TRIR: variants seen among roughly 807,000 people sequenced by gnomAD.
TRIR encodes telomerase RNA component-interacting RNase.
A neutral mutation model predicts 18.2 loss-of-function variants in TRIR; 5 were observed. The ratio of observed to expected loss-of-function variants is 0.27; its 90% CI spans 0.14 to 0.58. TRIR has a LOEUF of 0.58. Ranked by LOEUF, TRIR falls within the 20% of genes least tolerant of loss-of-function variation. The pLI, the probability that TRIR is intolerant of heterozygous loss-of-function variation, is 0.91. For missense variants in TRIR, 206 were observed against 252.8 expected, an observed-to-expected ratio of 0.81 and a Z score of 1.25; for synonymous variants, 134 against 114.4, an observed-to-expected ratio of 1.17 and a Z score of -1.10.
At chr19:12,732,889 C>T (rs1189609296) in intron 1 of TRIR, among the ~76,000 whole-genome samples, 1 of 152,018 alleles carries the variant, frequency 6.6e-6, no homozygotes, top group Non-Finnish European at 1.5e-5. Context: ...AGAGCCTGGC[C>T]TGCTGGGATT....
intron 1 of TRIR, among the ~76,000 whole-genome samples, chr19:12,732,124 CAAAAA>C (rs34115155): frequency 1.3e-5 from 1 of 79,818 alleles, no homozygotes; most frequent in African/African-American, 4.9e-5. Context: ...GACTCTGTCT[CAAAAA>C]AAAAAAAAAA....
In TRIR at chr19:12,731,584, C is replaced by T. The variant is rs10420261; in HGVS notation, c.346-163G>A. On this transcript the variant is annotated intron_variant, in intron 1 of 2. Coordinates refer to ENST00000242784, the MANE Select transcript of TRIR (RefSeq NM_024038.4). The surrounding 1 kb of genome is among the most constrained non-coding windows in gnomAD (Gnocchi z 5.1). ...TGCGCAGCAATCAGAGAGGAGCACA[C>T]GCGACTCAGCGCCTGCCCTGGGCCC... 5.9e-3 allele frequency: 4,068 copies of T among 688,784 alleles called. 107 individuals are homozygous for T. In the African/African-American group the frequency reaches 0.065, roughly 11 times the overall value. 42.7% of individuals were successfully genotyped at this position (688,784 alleles called of 1,614,324 possible).
Position 12,731,998 on chromosome 19 carries a change from C to A in TRIR, c.346-577G>T, listed in dbSNP as rs1967437996. On this transcript the variant is annotated intron_variant, in intron 1 of 2. Coordinates refer to ENST00000242784, the MANE Select transcript of TRIR (RefSeq NM_024038.4). The surrounding 1 kb of genome is among the most constrained non-coding windows in gnomAD (Gnocchi z 5.1). Reference sequence around the variant, plus strand: ...ACTTAGCCGGGAGTGGTGGTAGGCGCCTGTAATCCCAGCTACTTGGGAGGC... The same window carrying A: ...ACTTAGCCGGGAGTGGTGGTAGGCGACTGTAATCCCAGCTACTTGGGAGGC... The A allele has an allele frequency of 6.6e-6, 1 of 152,620 alleles. No homozygotes were observed. 9.5% of individuals were successfully genotyped at this position (152,620 alleles called of 1,614,324 possible).
At chr19:12,732,436 G>A (rs1156517453) in intron 1 of TRIR, among the ~76,000 whole-genome samples, 3 of 152,132 alleles carry the variant, frequency 2.0e-5, no homozygotes, top group African/African-American at 4.8e-5. Flanking sequence ...TGGTCCTGAC[G>A]CTTTTCCTTC....
chr19:12,734,616 C>T lies in TRIR; in HGVS notation c.42G>A (p.Glu14=). The T allele has an allele frequency of 2.0e-6, 3 of 1,515,896 alleles. No homozygotes were observed. Among genetic ancestry groups the T allele is most frequent in the African/African-American group, 2.9e-5 (2 of 69,688 alleles). The allele number at this position is 1,515,896 out of a possible 1,614,324, so 93.9% of individuals were successfully genotyped here. A position where few individuals can be genotyped will look rare whatever the true frequency, so the allele number is the denominator to read the frequency against. ...RGRRAEPQGR[E]APGPAGGGGG... ...CGCCACCGCCCGCGGGGCCCGGAGC[C>T]TCCCGGCCCTGAGGCTCCGCCCGTC... The change falls in exon 1 of 3, where the codon GAG becomes GAA. Residue 14 remains glutamate (E), a synonymous_variant. Transcript: ENST00000242784. This position sits in a 1 kb window ranked among gnomAD's most constrained non-coding sequence, Gnocchi z 4.1.
rs777438434 is a variant in TRIR, at chr19:12,731,381, G to A, written c.386C>T (p.Thr129Met). 4 of 1,613,930 alleles carry A rather than the reference G, an allele frequency of 2.5e-6. No individual in the cohort carries two copies. Among genetic ancestry groups the A allele is most frequent in the Admixed American group, 1.7e-5 (1 of 60,020 alleles). Residue 129 changes from threonine (T) to methionine (M), a missense_variant, in exon 2 of 3, where the codon ACG becomes ATG. Around this residue, in one of 2 missense-constraint regions of TRIR, gnomAD observed 34 missense variants for 87.8 expected, o/e 0.39. Coordinates refer to ENST00000242784, the MANE Select transcript of TRIR (RefSeq NM_024038.4). This position sits in a 1 kb window ranked among gnomAD's most constrained non-coding sequence, Gnocchi z 5.1. ...CTTCTGCTTCTTGGCTACTATTCCC[G>A]TCTTGAGGGCTAGTTTGTTCCCGCC... The part of the protein sequence containing the change: ...RRGGNKLALK[T>M]GIVAKKQKTE...
rs1967489528 is a variant in TRIR, at chr19:12,734,272, G to A, written c.345+41C>T. The A allele has an allele frequency of 7.3e-6, 10 of 1,379,214 alleles. No homozygotes were observed. Among genetic ancestry groups the A allele is most frequent in the Non-Finnish European group, 9.4e-6 (10 of 1,067,886 alleles). 85.4% of individuals were successfully genotyped at this position (1,379,214 alleles called of 1,614,324 possible). The stretch of plus-strand genomic sequence containing the variant: ...CACGGGCCCCGACTCCCGCTGCCAA[G>A]ACAGGCCGTGGCGCCCGCCCCCACC... On this transcript the variant is annotated intron_variant, in intron 1 of 2. Coordinates refer to ENST00000242784, the MANE Select transcript of TRIR (RefSeq NM_024038.4). This position sits in a 1 kb window ranked among gnomAD's most constrained non-coding sequence, Gnocchi z 4.1.
In TRIR at chr19:12,731,657, C is replaced by T. The variant is rs1445034255; in HGVS notation, c.346-236G>A. ...GAAGAGTGTCCACCTCAGTAGGGAC[C>T]AGCTCTGTTCTCACTTTCCACGCCA... is the stretch of plus-strand genomic sequence containing the variant. On this transcript the variant is annotated intron_variant, in intron 1 of 2. Coordinates refer to ENST00000242784, the MANE Select transcript of TRIR (RefSeq NM_024038.4). This position sits in a 1 kb window ranked among gnomAD's most constrained non-coding sequence, Gnocchi z 5.1. 2 of 551,110 alleles carry T rather than the reference C, an allele frequency of 3.6e-6. No homozygotes were observed. Among genetic ancestry groups the T allele is most frequent in the Non-Finnish European group, 6.4e-6 (2 of 311,388 alleles). The allele number at this position is 551,110 out of a possible 1,614,324, so 34.1% of individuals were successfully genotyped here. A position where few individuals can be genotyped will look rare whatever the true frequency, so the allele number is the denominator to read the frequency against.
rs544721720 is a variant in TRIR at position 12,731,303 on chromosome 19, A to T, written c.423+41T>A. ...AGGCTGGGCGCAAAAGCTGGAAGGG[A>T]AAGGCAATGTGGGTGGACCCCCTGC... On this transcript the variant is annotated intron_variant, in intron 2 of 2. Transcript: ENST00000242784. The surrounding 1 kb of genome is among the most constrained non-coding windows in gnomAD (Gnocchi z 5.1). The T allele has an allele frequency of 6.2e-7, 1 of 1,604,050 alleles. No individual in the cohort carries two copies. Among genetic ancestry groups the T allele is most frequent in the African/African-American group, 1.3e-5 (1 of 74,864 alleles).
chr19:12,731,460 C>A lies in TRIR; in HGVS notation c.346-39G>T. The A allele has an allele frequency of 6.3e-7, 1 of 1,586,728 alleles. No homozygotes were observed. The highest frequency in any genetic ancestry group is 8.6e-7 in the Non-Finnish European group (1 of 1,163,946). On this transcript the variant is annotated intron_variant, in intron 1 of 2. Coordinates refer to ENST00000242784, the MANE Select transcript of TRIR (RefSeq NM_024038.4). The surrounding 1 kb of genome is among the most constrained non-coding windows in gnomAD (Gnocchi z 5.1). ...CAGAAGACTGCAACGGTTACAGGAGCCGGGACCGCCCTTGGCGGCGCTGAG... is the reference window on the plus strand; with the variant it reads ...CAGAAGACTGCAACGGTTACAGGAGACGGGACCGCCCTTGGCGGCGCTGAG...
At chr19:12,733,340 G>C (rs571333301) in intron 1 of TRIR, among the ~76,000 whole-genome samples, 1 of 152,126 alleles carries the variant, frequency 6.6e-6, no homozygotes, top group Admixed American at 6.5e-5. Flanking sequence ...CACACTACAG[G>C]GACTTGATCT....
In TRIR at chr19:12,734,406, C is replaced by T. The variant is rs1366551960; in HGVS notation, c.252G>A (p.Pro84=). The T allele has an allele frequency of 6.6e-7, 1 of 1,516,708 alleles. No individual in the cohort carries two copies. Among genetic ancestry groups the T allele is most frequent in the Non-Finnish European group, 8.8e-7 (1 of 1,133,492 alleles). 94.0% of individuals were successfully genotyped at this position (1,516,708 alleles called of 1,614,324 possible). A position where few individuals can be genotyped will look rare whatever the true frequency, so the allele number is the denominator to read the frequency against. The part of the protein sequence containing the change: ...EEEQRQRQEE[P]PPGPQRPDQS... ...GGTCGGGTCGCTGCGGACCCGGGGG[C>T]GGCTCCTCCTGCCGCTGCCGCTGCT... Residue 84 remains proline, a synonymous_variant, in exon 1 of 3, where the codon CCG becomes CCA. Transcript: ENST00000242784. This position sits in a 1 kb window ranked among gnomAD's most constrained non-coding sequence, Gnocchi z 4.1.
Position 12,731,201 on chromosome 19 carries a change from T to A in TRIR, c.424-133A>T. 1.3e-5 allele frequency: 17 copies of A among 1,264,174 alleles called. No homozygotes were observed. The highest frequency in any genetic ancestry group is 9.2e-6 in the Non-Finnish European group (8 of 869,412). The allele number at this position is 1,264,174 out of a possible 1,614,324, so 78.3% of individuals were successfully genotyped here. ...AGCTGAAGATTATAAAGTCAAGTTATCTGGGGACCCATTGACAGCCCTCCT... is the reference window on the plus strand; with the variant it reads ...AGCTGAAGATTATAAAGTCAAGTTAACTGGGGACCCATTGACAGCCCTCCT... On this transcript the variant is annotated intron_variant, in intron 2 of 2. Transcript: ENST00000242784. The surrounding 1 kb of genome is among the most constrained non-coding windows in gnomAD (Gnocchi z 5.1).
rs1306258758 is a variant in TRIR, at chr19:12,731,046, G to C, written c.446C>G (p.Ala149Gly). ...CACTTCTGCCATGTACTTGGCCCAC[G>C]CGTCACCTTTACTTGTTAATACCTG... Reference protein sequence around the residue: ...EDEVLTSKGDAWAKYMAEVKK... With the variant: ...EDEVLTSKGDGWAKYMAEVKK... The change falls in exon 3 of 3, where the codon GCG becomes GGG. Residue 149 changes from alanine (A) to glycine (G), a missense_variant. Coordinates refer to ENST00000242784, the MANE Select transcript of TRIR (RefSeq NM_024038.4). This position sits in a 1 kb window ranked among gnomAD's most constrained non-coding sequence, Gnocchi z 5.1. 1 of 1,614,008 alleles carries C rather than the reference G, an allele frequency of 6.2e-7. No individual in the cohort carries two copies. The highest frequency in any genetic ancestry group is 8.5e-7 in the Non-Finnish European group (1 of 1,179,962).
At position 12,734,587 on chromosome 19, in the gene TRIR, C is replaced by T. The variant is rs1967501494; in HGVS notation, c.71G>A (p.Gly24Asp). 2.0e-6 allele frequency: 3 copies of T among 1,521,300 alleles called. No homozygotes were observed. The highest frequency in any genetic ancestry group is 1.7e-4 in the Middle Eastern group (1 of 5,896). 94.2% of individuals were successfully genotyped at this position (1,521,300 alleles called of 1,614,324 possible). A position where few individuals can be genotyped will look rare whatever the true frequency, so the allele number is the denominator to read the frequency against. The stretch of plus-strand genomic sequence containing the variant: ...TCCCGACTCAGCCCAACGGCTCCCG[C>T]CACCGCCACCGCCCGCGGGGCCCGG... The part of the protein sequence containing the change: ...EAPGPAGGGG[G>D]GSRWAESGSG... Residue 24 changes from glycine (G) to aspartate (D), a missense_variant, in exon 1 of 3, where the codon GGC becomes GAC. Physicochemically the swap from Gly to Asp is moderately conservative, Grantham distance 94. Coordinates refer to ENST00000242784, the MANE Select transcript of TRIR (RefSeq NM_024038.4). This position sits in a 1 kb window ranked among gnomAD's most constrained non-coding sequence, Gnocchi z 4.1.
In TRIR at chr19:12,734,572, G is replaced by T; in HGVS notation, c.86C>A (p.Ala29Asp). The T allele has an allele frequency of 6.6e-7, 1 of 1,526,244 alleles. No individual in the cohort carries two copies. The allele number at this position is 1,526,244 out of a possible 1,614,324, so 94.5% of individuals were successfully genotyped here. The change falls in exon 1 of 3, where the codon GCT (alanine) becomes GAT (aspartate). Residue 29 changes from alanine (A) to aspartate (D), a missense_variant. Physicochemically the swap from Ala to Asp is moderately radical, Grantham distance 126. This residue lies in a region of TRIR where 172 missense variants were observed against 165.0 expected (regional missense o/e 1.04). Transcript: ENST00000242784. The surrounding 1 kb of genome is among the most constrained non-coding windows in gnomAD (Gnocchi z 4.1). ...GGGCGACGTCCCCGATCCCGACTCA[G>T]CCCAACGGCTCCCGCCACCGCCACC... The part of the protein sequence containing the change: ...AGGGGGGSRW[A>D]ESGSGTSPES...
rs1967410648 is a variant in TRIR, at chr19:12,730,737, G to A, written c.*224C>T. On this transcript the variant is annotated 3_prime_UTR_variant, in exon 3 of 3. Transcript: ENST00000242784. ...GACAGAAAGAGCCAGAGAGAATGAG[G>A]AGGTGAGAAGGGGGGGACAGTAAAC... 1 of 586,762 alleles carries A rather than the reference G, an allele frequency of 1.7e-6. No homozygotes were observed. The highest frequency in any genetic ancestry group is 3.0e-6 in the Non-Finnish European group (1 of 328,842). The allele number at this position is 586,762 out of a possible 1,614,324, so 36.3% of individuals were successfully genotyped here. A position where few individuals can be genotyped will look rare whatever the true frequency, so the allele number is the denominator to read the frequency against.
At position 12,730,773 on chromosome 19, in the gene TRIR, T is replaced by TGA. The variant is rs1446041332; in HGVS notation, c.*186_*187dup. 1.6e-6 allele frequency: 1 copy of TGA among 613,102 alleles called. No individual in the cohort carries two copies. Among genetic ancestry groups the TGA allele is most frequent in the Non-Finnish European group, 2.9e-6 (1 of 344,298 alleles). 38.0% of individuals were successfully genotyped at this position (613,102 alleles called of 1,614,324 possible). A position where few individuals can be genotyped will look rare whatever the true frequency, so the allele number is the denominator to read the frequency against. On this transcript the variant is annotated 3_prime_UTR_variant, in exon 3 of 3. Coordinates refer to ENST00000242784, the MANE Select transcript of TRIR (RefSeq NM_024038.4). Reference sequence around the variant, plus strand: ...GGGGGGACAGTAAACCACTGTTCTATGAAGTCTCACGAGGCAAGTGCTCAA... The same window carrying TGA: ...GGGGGGACAGTAAACCACTGTTCTATGAGAAGTCTCACGAGGCAAGTGCTCAA...
At chr19:12,732,210 C>T (rs1339738803) in intron 1 of TRIR, among the ~76,000 whole-genome samples, 1 of 151,018 alleles carries the variant, frequency 6.6e-6, no homozygotes, top group Non-Finnish European at 1.5e-5. Flanking sequence ...GTCATGCTAA[C>T]AACAAACAAT....
Sources: gnomAD v4.1 joint callset for allele counts (sites outside exome capture counted in the v4.1 genomes callset) on GRCh38, gnomAD v4.1.1 for gene constraint, gnomAD v4.1.1 regional missense constraint, Gnocchi (gnomAD v3.1) non-coding constraint, MANE v1.5 for transcripts, NCBI Gene and HGNC (gene_info 2026-07-23, HGNC 2026-07-21) for gene names.